Variants in NRXN3 observed in about 807,000 individuals in gnomAD.
The protein encoded by NRXN3 is neurexin III.
Under a neutral mutation model 137.6 loss-of-function variants are expected in NRXN3, and 32 were observed. That is an observed-to-expected ratio of 0.23 (90% CI 0.18 to 0.31). The LOEUF is 0.31. Among genes scored for constraint, NRXN3 ranks in the 10% least tolerant of loss-of-function variants. NRXN3 has a pLI of 1.00. For missense variants in NRXN3, 1,574 were observed against 2,062.5 expected, an observed-to-expected ratio of 0.76 and a Z score of 4.59; for synonymous variants, 798 against 784.5, an observed-to-expected ratio of 1.02 and a Z score of -0.29.
At chr14:79,206,975 A>T (rs185251090) in intron 15 of NRXN3, among the ~76,000 whole-genome samples, 1 of 152,308 alleles carries the variant, frequency 6.6e-6, no homozygotes, top group East Asian at 1.9e-4. Context: ...TACCGGATCA[A>T]GTTACAGATG....
intron 15 of NRXN3, among the ~76,000 whole-genome samples, chr14:79,092,303 C>A (rs575626366): frequency 6.6e-6 from 1 of 152,144 alleles, no homozygotes; most frequent in African/African-American, 2.4e-5. Context: ...CTTTTGTAAT[C>A]ACATGATTAA....
At chr14:78,409,324 G>T (rs558501743) in intron 4 of NRXN3, among the ~76,000 whole-genome samples, 2 of 152,186 alleles carry the variant, frequency 1.3e-5, no homozygotes, top group Non-Finnish European at 2.9e-5. Context: ...TGTTTTACAG[G>T]TGAGGAAACT....
At chr14:78,965,041 A>G (rs1194802355) in intron 11 of NRXN3, among the ~76,000 whole-genome samples, 1 of 152,052 alleles carries the variant, frequency 6.6e-6, no homozygotes, top group African/African-American at 2.4e-5. Context: ...TCATTTGGTA[A>G]TTGTCTTCTG....
At chr14:78,950,432 T>C (rs1205334529) in intron 10 of NRXN3, among the ~76,000 whole-genome samples, 6 of 152,200 alleles carry the variant, frequency 3.9e-5, no homozygotes, top group Non-Finnish European at 8.8e-5. Context: ...AGATGCTCCA[T>C]TCTCTCAGCC....
chr14:79,127,049 G>C (rs2056631642), intron 15 of NRXN3, among the ~76,000 whole-genome samples: 1 of 151,930 alleles, frequency 6.6e-6, no homozygotes, highest in South Asian at 2.1e-4. Context: ...AAATTTGTTT[G>C]AGTTCATTGT....
chr14:79,269,084 C>A (rs1196267939), intron 15 of NRXN3, among the ~76,000 whole-genome samples: 1 of 148,332 alleles, frequency 6.7e-6, no homozygotes, highest in Admixed American at 6.7e-5. Context: ...GAGTCTCGCT[C>A]TGTCGCCAAG....
At chr14:79,732,328 C>T (rs12434821) in intron 19 of NRXN3, among the ~76,000 whole-genome samples, 42,266 of 151,862 alleles carry the variant, frequency 0.28, 6,328 homozygotes, top group Middle Eastern at 0.39. Context: ...AAGTTTGATA[C>T]GGTAACTTAG....
At chr14:79,290,718 G>A (rs550301310) in intron 15 of NRXN3, among the ~76,000 whole-genome samples, 3 of 151,224 alleles carry the variant, frequency 2.0e-5, no homozygotes, top group African/African-American at 7.3e-5. Flanking sequence ...TTAAAAATGC[G>A]TCTATGGGTC....
At chr14:79,342,811 T>C (rs1439244090) in intron 15 of NRXN3, among the ~76,000 whole-genome samples, 1 of 152,126 alleles carries the variant, frequency 6.6e-6, no homozygotes, top group East Asian at 1.9e-4. Flanking sequence ...GCTGCCTAGA[T>C]AGAACCGATT....
At chr14:78,186,795 G>T (rs2060268425) in intron 1 of NRXN3, among the ~76,000 whole-genome samples, 1 of 152,160 alleles carries the variant, frequency 6.6e-6, no homozygotes, top group African/African-American at 2.4e-5. Flanking sequence ...GGATAGTGGT[G>T]GGAACATGAT....
chr14:78,222,508 C>T (rs1030703771), intron 1 of NRXN3, among the ~76,000 whole-genome samples: 4 of 152,118 alleles, frequency 2.6e-5, no homozygotes, highest in South Asian at 2.1e-4. Context: ...AGATGCTTCC[C>T]GGGGAGGAGA....
At chr14:78,309,275 T>C (rs911868615) in intron 4 of NRXN3, among the ~76,000 whole-genome samples, 1 of 151,592 alleles carries the variant, frequency 6.6e-6, no homozygotes, top group African/African-American at 2.4e-5. Flanking sequence ...AAAAAAATTT[T>C]GAGAAACGCT....
At chr14:79,791,540 A>C (rs1243691102) in intron 19 of NRXN3, among the ~76,000 whole-genome samples, 5 of 132,722 alleles carry the variant, frequency 3.8e-5, no homozygotes, top group African/African-American at 1.3e-4. Flanking sequence ...AATAATTATA[A>C]TTAATTATAT....
intron 16 of NRXN3, among the ~76,000 whole-genome samples, chr14:79,469,799 C>T (rs2096476514): frequency 6.6e-6 from 1 of 152,082 alleles, no homozygotes. Context: ...AGCACCAGGC[C>T]CCTTCATGGG....
rs541167805 is a variant in NRXN3 at position 79,369,992 on chromosome 14, G to A, written c.3263-97229G>A. Among the ~76,000 whole-genome samples, 16 of 152,296 alleles carry A rather than the reference G, an allele frequency of 1.1e-4. No individual in the cohort carries two copies. In the East Asian group the frequency reaches 3.1e-3, roughly 29 times the overall value. On this transcript the variant is annotated intron_variant, in intron 15 of 20. Transcript: ENST00000335750. Reference sequence around the variant, plus strand: ...TTTCTGTGTTGGTACACATCCAGAAGGTTTCTTGGGCGCATTGACCTTCAC... The same window carrying A: ...TTTCTGTGTTGGTACACATCCAGAAAGTTTCTTGGGCGCATTGACCTTCAC...
chr14:78,800,686 G>A (rs1178549090), intron 8 of NRXN3, among the ~76,000 whole-genome samples: 1 of 152,110 alleles, frequency 6.6e-6, no homozygotes, highest in African/African-American at 2.4e-5. Flanking sequence ...TCTTTTGTGT[G>A]GTATCTGAAC....
chr14:79,603,844 G>A (rs1312244847), intron 16 of NRXN3, among the ~76,000 whole-genome samples: 3 of 152,122 alleles, frequency 2.0e-5, no homozygotes, highest in African/African-American at 7.2e-5. Context: ...TGCTGCAGAG[G>A]AATGGAAGAG....
In NRXN3 at chr14:79,196,638, TA is replaced by T. The variant is rs377282147; in HGVS notation, c.3262+208498del. 2.0e-3 allele frequency among the ~76,000 whole-genome samples: 301 copies of T among 151,620 alleles called. 1 individual carries two copies. The highest frequency in any genetic ancestry group is 6.3e-3 in the African/African-American group (260 of 41,324). On this transcript the variant is annotated intron_variant, in intron 15 of 20. Transcript: ENST00000335750. ...GTTGCCCTTAATATGCTGTGATTGA[TA>T]TAGATAGATAGATATAGATATAGAT...
In NRXN3 at chr14:79,482,038, G is replaced by A. The variant is rs77575822; in HGVS notation, c.3444+14636G>A. ...TTAGGGATGTTCATTATAGGAGTAA[G>A]TGGGAAAGTTGCAAATCTTGTGACC... is the stretch of plus-strand genomic sequence containing the variant. On this transcript the variant is annotated intron_variant, in intron 16 of 20. Coordinates refer to ENST00000335750, the MANE Select transcript of NRXN3 (RefSeq NM_001330195.2). 2.7e-3 allele frequency among the ~76,000 whole-genome samples: 410 copies of A among 152,296 alleles called. 3 individuals carry two copies. Among genetic ancestry groups the A allele is most frequent in the Middle Eastern group, 6.8e-3 (2 of 294 alleles).
Sources: allele counts gnomAD v4.1 joint callset (sites outside exome capture counted in the v4.1 genomes callset), GRCh38; gene constraint gnomAD v4.1.1; transcripts MANE v1.5; gene names NCBI Gene and HGNC (gene_info 2026-07-23, HGNC 2026-07-21).